SNTB2: variants seen among roughly 807,000 people sequenced by gnomAD.
The protein encoded by SNTB2 is syntrophin beta 2, also known as beta-2-syntrophin.
A neutral mutation model predicts 46.2 loss-of-function variants in SNTB2; 34 were observed. The observed-to-expected ratio is 0.74, with a 90% confidence interval of 0.56 to 0.98. The LOEUF (loss-of-function observed/expected upper bound fraction) is 0.98. Ranked by LOEUF, SNTB2 falls within the 50% of genes least tolerant of loss-of-function variation. SNTB2 has a pLI of 0.00. For synonymous variants in SNTB2, 290 were observed against 312.6 expected (o/e 0.93, Z 0.76); for missense variants, 603 against 731.4 (o/e 0.82, Z 2.02).
At position 69,266,012 on chromosome 16, in the gene SNTB2, A is replaced by G. The variant is rs184217824; in HGVS notation, c.1006-4131A>G. On this transcript the variant is annotated intron_variant, in intron 3 of 6. Coordinates refer to ENST00000336278, the MANE Select transcript of SNTB2 (RefSeq NM_006750.4). The stretch of plus-strand genomic sequence containing the variant: ...CTTATGCTGATACCATAACCAAAAA[A>G]CACATACTATATAGAGCAGACAGCA... 2.0e-5 allele frequency among the ~76,000 whole-genome samples: 3 copies of G among 152,198 alleles called. No individual in the cohort carries two copies. In the East Asian group the frequency reaches 5.8e-4, roughly 29 times the overall value.
intron 1 of SNTB2, among the ~76,000 whole-genome samples, chr16:69,214,458 G>A (rs933631583): frequency 2.1e-4 from 32 of 151,924 alleles, no homozygotes; most frequent in African/African-American, 7.2e-4. Flanking sequence ...TTATTTTAGA[G>A]TTTTTGTGTA....
intron 1 of SNTB2, among the ~76,000 whole-genome samples, chr16:69,199,980 TC>T (rs1964145512): frequency 1.3e-5 from 2 of 152,088 alleles, no homozygotes; most frequent in South Asian, 4.1e-4. Flanking sequence ...AGTGGCACGA[TC>T]TCAGCTCACC....
At chr16:69,205,921 A>G (rs906024004) in intron 1 of SNTB2, among the ~76,000 whole-genome samples, 6 of 152,212 alleles carry the variant, frequency 3.9e-5, no homozygotes, top group African/African-American at 1.4e-4. Flanking sequence ...AATCCTTTCC[A>G]TTGAGGTCCT....
intron 1 of SNTB2, among the ~76,000 whole-genome samples, chr16:69,244,438 A>G (rs1964649548): frequency 6.6e-6 from 1 of 152,166 alleles, no homozygotes; most frequent in African/African-American, 2.4e-5. Context: ...CTTTTATTAT[A>G]AAACCTTTTA....
chr16:69,286,474 A>T (rs774997634), intron 5 of SNTB2, among the ~76,000 whole-genome samples: 24 of 152,166 alleles, frequency 1.6e-4, no homozygotes, highest in Non-Finnish European at 2.8e-4. Context: ...GTTTGAGCCC[A>T]GGAGTTTGAG....
At chr16:69,216,780 A>G (rs1376010978) in intron 1 of SNTB2, among the ~76,000 whole-genome samples, 1 of 152,104 alleles carries the variant, frequency 6.6e-6, no homozygotes, top group Non-Finnish European at 1.5e-5. Context: ...AATCTCTTCT[A>G]AAAAGTAATA....
At chr16:69,239,864 A>G (rs1964594022) in intron 1 of SNTB2, among the ~76,000 whole-genome samples, 1 of 152,134 alleles carries the variant, frequency 6.6e-6, no homozygotes, top group Non-Finnish European at 1.5e-5. Context: ...TGAATTTTTC[A>G]TCATATATTT....
intron 1 of SNTB2, among the ~76,000 whole-genome samples, chr16:69,236,688 A>AG: frequency 6.7e-6 from 1 of 148,996 alleles, no homozygotes; most frequent in African/African-American, 2.5e-5. Flanking sequence ...AAAAAAAAAA[A>AG]GCAGCAGCAG....
chr16:69,219,643 G>A (rs768090286), intron 1 of SNTB2, among the ~76,000 whole-genome samples: 2 of 152,118 alleles, frequency 1.3e-5, no homozygotes, highest in East Asian at 1.9e-4. Flanking sequence ...TAAAAAGTCC[G>A]TCTCATTTGG....
intron 1 of SNTB2, among the ~76,000 whole-genome samples, chr16:69,214,574 T>C (rs990402296): frequency 2.0e-5 from 3 of 152,118 alleles, no homozygotes; most frequent in African/African-American, 7.2e-5. Flanking sequence ...TCGCCCAGGC[T>C]GGATTGCAGT....
intron 4 of SNTB2, among the ~76,000 whole-genome samples, chr16:69,275,196 T>C (rs1293822254): frequency 6.6e-6 from 1 of 151,886 alleles, no homozygotes; most frequent in Non-Finnish European, 1.5e-5. Context: ...CCTCAGCTTC[T>C]CGAGTAGCTA....
intron 1 of SNTB2, among the ~76,000 whole-genome samples, chr16:69,189,758 A>G (rs184250086): frequency 1.3e-5 from 2 of 152,198 alleles, no homozygotes; most frequent in Non-Finnish European, 2.9e-5. Context: ...TCAAAAACAA[A>G]CAACCAACCT....
At chr16:69,294,993 T>G (rs558798576) in intron 5 of SNTB2, among the ~76,000 whole-genome samples, 1 of 151,714 alleles carries the variant, frequency 6.6e-6, no homozygotes, top group East Asian at 2.0e-4. Flanking sequence ...TAATTTCTTT[T>G]GTATTTTAGT....
intron 4 of SNTB2, among the ~76,000 whole-genome samples, chr16:69,278,599 G>A (rs1456030645): frequency 6.6e-6 from 1 of 152,196 alleles, no homozygotes; most frequent in East Asian, 1.9e-4. Context: ...GGAATTACAG[G>A]TGTGCACCAC....
Position 69,305,364 on chromosome 16 carries a change from A to G in SNTB2, c.*4440A>G, listed in dbSNP as rs1341330262. On this transcript the variant is annotated 3_prime_UTR_variant, in exon 7 of 7. Coordinates refer to ENST00000336278, the MANE Select transcript of SNTB2 (RefSeq NM_006750.4). The stretch of plus-strand genomic sequence containing the variant: ...ACTTATGCTGAATTATGTTCTTATT[A>G]TTTTCACTGGTTATAAGCTATTCCT... 6.6e-6 allele frequency: 1 copy of G among 152,226 alleles called. No homozygotes were observed. Among genetic ancestry groups the G allele is most frequent in the Non-Finnish European group, 1.5e-5 (1 of 68,016 alleles). 9.4% of individuals were successfully genotyped at this position (152,226 alleles called of 1,614,324 possible). A position where few individuals can be genotyped will look rare whatever the true frequency, so the allele number is the denominator to read the frequency against.
intron 5 of SNTB2, among the ~76,000 whole-genome samples, chr16:69,293,695 G>T (rs919193042): frequency 6.6e-6 from 1 of 152,216 alleles, no homozygotes; most frequent in Non-Finnish European, 1.5e-5. Context: ...ATTTAAAAAA[G>T]TGAATGGGAG....
At chr16:69,255,463 G>A (rs1329526419) in intron 2 of SNTB2, among the ~76,000 whole-genome samples, 1 of 151,816 alleles carries the variant, frequency 6.6e-6, no homozygotes, top group Admixed American at 6.6e-5. Context: ...GAGAGGCTGA[G>A]GCAAAAGAAT....
At chr16:69,219,205 A>G (rs1460044227) in intron 1 of SNTB2, among the ~76,000 whole-genome samples, 1 of 152,212 alleles carries the variant, frequency 6.6e-6, no homozygotes, top group East Asian at 1.9e-4. Context: ...TTGTTTAGCC[A>G]TAAATACCAT....
chr16:69,255,289 A>G (rs1964762365), intron 2 of SNTB2, among the ~76,000 whole-genome samples: 1 of 151,996 alleles, frequency 6.6e-6, no homozygotes, highest in South Asian at 2.1e-4. Flanking sequence ...AGGGCCGTGC[A>G]CAGTGGCTCA....
Sources: gnomAD v4.1 joint callset for allele counts (sites outside exome capture counted in the v4.1 genomes callset) on GRCh38, gnomAD v4.1.1 for gene constraint, MANE v1.5 for transcripts, NCBI Gene and HGNC (gene_info 2026-07-23, HGNC 2026-07-21) for gene names.